Variants in TOX observed in about 807,000 individuals in gnomAD.
TOX encodes the protein thymocyte selection associated high mobility group box.
TOX carries 11 observed loss-of-function variants against 53.7 expected under a neutral mutation model. The observed-to-expected ratio is 0.20, with a 90% confidence interval of 0.13 to 0.34. TOX has a LOEUF of 0.34. Among genes scored for constraint, TOX ranks in the 10% least tolerant of loss-of-function variants. The pLI is 1.00. For synonymous variants in TOX, 225 were observed against 245.3 expected, an observed-to-expected ratio of 0.92 and a Z score of 0.77; for missense variants, 570 against 664.6, an observed-to-expected ratio of 0.86 and a Z score of 1.56.
intron 1 of TOX, among the ~76,000 whole-genome samples, chr8:59,056,225 A>G (rs1367400492): frequency 6.6e-6 from 1 of 152,000 alleles, no homozygotes; most frequent in Non-Finnish European, 1.5e-5. Flanking sequence ...TAGGAGTTCA[A>G]GACCAGCCTG....
At chr8:59,006,160 T>C (rs1177461240) in intron 1 of TOX, among the ~76,000 whole-genome samples, 3 of 152,272 alleles carry the variant, frequency 2.0e-5, no homozygotes, top group East Asian at 3.8e-4. Context: ...TGAACATTTA[T>C]GTTTTAGATT....
intron 1 of TOX, among the ~76,000 whole-genome samples, chr8:59,047,418 G>A (rs1487756676): frequency 6.6e-6 from 1 of 150,764 alleles, no homozygotes; most frequent in Non-Finnish European, 1.5e-5. Context: ...TAGTAGAGAC[G>A]GGGTTTCACC....
intron 3 of TOX, among the ~76,000 whole-genome samples, chr8:58,865,869 C>T (rs866241652): frequency 0.34 from 40,775 of 119,294 alleles, 7,452 homozygotes; most frequent in Middle Eastern, 0.41. Context: ...GAGTCTCACT[C>T]TGTCGTCCAG....
chr8:59,037,801 CAAAAAAAA>C (rs769397049), intron 1 of TOX, among the ~76,000 whole-genome samples: 5 of 98,082 alleles, frequency 5.1e-5, no homozygotes, highest in African/African-American at 1.4e-4. Context: ...GACTCCATCT[CAAAAAAAA>C]AAAAAAAAAA....
intron 1 of TOX, among the ~76,000 whole-genome samples, chr8:59,081,735 T>A (rs936197585): frequency 6.6e-6 from 1 of 152,176 alleles, no homozygotes; most frequent in Non-Finnish European, 1.5e-5. Flanking sequence ...TCCTTTGGCA[T>A]CAAGTTCAAA....
chr8:58,879,063 A>AAAAC (rs1170617668), intron 3 of TOX, among the ~76,000 whole-genome samples: 2 of 151,528 alleles, frequency 1.3e-5, no homozygotes, highest in African/African-American at 4.9e-5. Flanking sequence ...TTCATCTCAA[A>AAAAC]AAAAAAAAAA....
At chr8:59,080,272 C>A (rs898863138) in intron 1 of TOX, among the ~76,000 whole-genome samples, 4 of 152,136 alleles carry the variant, frequency 2.6e-5, no homozygotes, top group Non-Finnish European at 4.4e-5. Flanking sequence ...TGAGCCACTG[C>A]ACCCAGCCAC....
chr8:59,068,083 T>A (rs1804126477), intron 1 of TOX, among the ~76,000 whole-genome samples: 1 of 152,216 alleles, frequency 6.6e-6, no homozygotes, highest in Non-Finnish European at 1.5e-5. Flanking sequence ...GTTCTATAAA[T>A]ATCTGAAATT....
intron 1 of TOX, among the ~76,000 whole-genome samples, chr8:59,005,993 G>A (rs1301699278): frequency 2.0e-5 from 3 of 152,222 alleles, no homozygotes; most frequent in African/African-American, 7.2e-5. Flanking sequence ...TGCTGTCCAT[G>A]CCTCAGTTTC....
intron 1 of TOX, 76 bp from the exon 2 acceptor site, chr8:58,960,084 T>G: frequency 2.0e-6 from 3 of 1,510,828 alleles, no homozygotes; most frequent in Non-Finnish European, 2.7e-6. Flanking sequence ...TTTGTTTTGT[T>G]TTTTAACCAT....
intron 1 of TOX, among the ~76,000 whole-genome samples, chr8:59,113,820 G>A (rs945636127): frequency 6.6e-6 from 1 of 152,152 alleles, no homozygotes; most frequent in Non-Finnish European, 1.5e-5. Context: ...CTTTAAAACA[G>A]AATAGGAAGA....
intron 1 of TOX, among the ~76,000 whole-genome samples, chr8:59,039,820 G>C (rs1047022727): frequency 6.6e-6 from 1 of 151,958 alleles, no homozygotes; most frequent in Non-Finnish European, 1.5e-5. Context: ...TTCTGGTTTT[G>C]GACAGAGGAG....
chr8:58,874,163 G>A (rs1811246033), intron 3 of TOX, among the ~76,000 whole-genome samples: 6 of 151,410 alleles, frequency 4.0e-5, no homozygotes, highest in Admixed American at 4.0e-4. Context: ...GTTTCTAAGT[G>A]CTGGAAGTGT....
intron 1 of TOX, among the ~76,000 whole-genome samples, chr8:59,064,377 A>G (rs1341939810): frequency 1.3e-5 from 2 of 152,156 alleles, no homozygotes; most frequent in African/African-American, 4.8e-5. Flanking sequence ...ACTTTAAGCA[A>G]TTTTACCCAT....
At chr8:58,984,071 A>G (rs1012202504) in intron 1 of TOX, among the ~76,000 whole-genome samples, 1 of 152,234 alleles carries the variant, frequency 6.6e-6, no homozygotes, top group Non-Finnish European at 1.5e-5. Context: ...TCAAAAACCC[A>G]TCTGATGGAT....
chr8:58,991,154 C>A (rs992763447), intron 1 of TOX, among the ~76,000 whole-genome samples: 1 of 152,200 alleles, frequency 6.6e-6, no homozygotes, highest in Admixed American at 6.5e-5. Context: ...GGTCCCAACA[C>A]CCCATGGTGG....
intron 3 of TOX, among the ~76,000 whole-genome samples, chr8:58,920,755 A>G (rs1812058323): frequency 6.7e-6 from 1 of 149,166 alleles, no homozygotes; most frequent in Non-Finnish European, 1.5e-5. Flanking sequence ...AGAAGAAAAA[A>G]AAAAAAGAAT....
intron 4 of TOX, among the ~76,000 whole-genome samples, chr8:58,843,513 G>T (rs1238513660): frequency 6.6e-6 from 1 of 152,122 alleles, no homozygotes; most frequent in African/African-American, 2.4e-5. Flanking sequence ...GGAGGGAATT[G>T]TTTATTATAT....
chr8:58,824,605 C>T (rs1810336982), intron 6 of TOX, among the ~76,000 whole-genome samples: 1 of 152,252 alleles, frequency 6.6e-6, no homozygotes, highest in African/African-American at 2.4e-5. Flanking sequence ...CTTCAACCCC[C>T]AGATCCAATG....
Sources: gnomAD v4.1 joint callset for allele counts (sites outside exome capture counted in the v4.1 genomes callset) on GRCh38, gnomAD v4.1.1 for gene constraint, MANE v1.5 for transcripts, NCBI Gene and HGNC (gene_info 2026-07-23, HGNC 2026-07-21) for gene names.